Variants in PHACTR1 observed in about 807,000 individuals in gnomAD.
The protein encoded by PHACTR1 is phosphatase and actin regulator 1.
In PHACTR1, 16 loss-of-function variants were observed where a neutral mutation model predicts 69.2. The ratio of observed to expected loss-of-function variants is 0.23; its 90% CI spans 0.16 to 0.35. The LOEUF (loss-of-function observed/expected upper bound fraction) is 0.35, where lower values mean the gene tolerates loss of function less well. PHACTR1 is among the 10% of genes least tolerant of loss of function. PHACTR1 has a pLI of 1.00. For synonymous variants in PHACTR1, 312 were observed against 284.5 expected, an observed-to-expected ratio of 1.10 and a Z score of -0.97; for missense variants, 510 against 734.7, an observed-to-expected ratio of 0.69 and a Z score of 3.54.
chr6:13,256,619 T>C (rs1439468887), intron 10 of PHACTR1, among the ~76,000 whole-genome samples: 1 of 152,246 alleles, frequency 6.6e-6, no homozygotes, highest in Non-Finnish European at 1.5e-5. Context: ...AAATTTCTTC[T>C]GCCAGATACT....
intron 4 of PHACTR1, among the ~76,000 whole-genome samples, chr6:12,962,543 G>A (rs1792887100): frequency 6.6e-6 from 1 of 152,186 alleles, no homozygotes; most frequent in Non-Finnish European, 1.5e-5. Flanking sequence ...CTCCAGGAAA[G>A]GCAGCCTGGT....
At chr6:13,063,243 G>C (rs1177374078) in intron 5 of PHACTR1, among the ~76,000 whole-genome samples, 6 of 152,168 alleles carry the variant, frequency 3.9e-5, no homozygotes, top group Admixed American at 1.3e-4. Context: ...AGGGAAAACA[G>C]ACAATAAAGC....
chr6:12,921,373 C>A (rs989010410), intron 4 of PHACTR1, among the ~76,000 whole-genome samples: 1 of 151,878 alleles, frequency 6.6e-6, no homozygotes, highest in Non-Finnish European at 1.5e-5. Flanking sequence ...GCAGGACACA[C>A]AGAAATGAAA....
At chr6:12,884,116 C>T (rs2127459323) in intron 4 of PHACTR1, among the ~76,000 whole-genome samples, 1 of 151,942 alleles carries the variant, frequency 6.6e-6, no homozygotes, top group South Asian at 2.1e-4. Context: ...ACACATGTAC[C>T]CACATACACA....
intron 4 of PHACTR1, among the ~76,000 whole-genome samples, chr6:13,030,660 C>G (rs113165382): frequency 0.014 from 2,177 of 152,300 alleles, 38 homozygotes; most frequent in Non-Finnish European, 0.022. Context: ...TGTATTATAG[C>G]TGAAACAAGA....
chr6:12,805,706 T>C (rs1774241913), intron 4 of PHACTR1, among the ~76,000 whole-genome samples: 1 of 151,946 alleles, frequency 6.6e-6, no homozygotes, highest in African/African-American at 2.4e-5. Context: ...GCTCAAGCAA[T>C]TCTCCTGCCT....
chr6:12,930,670 G>C (rs1051281937), intron 4 of PHACTR1, among the ~76,000 whole-genome samples: 2 of 152,142 alleles, frequency 1.3e-5, no homozygotes, highest in Non-Finnish European at 2.9e-5. Flanking sequence ...TAATTCAGTA[G>C]GAGAAAGGGT....
chr6:12,798,966 A>T (rs1561893169), intron 4 of PHACTR1, among the ~76,000 whole-genome samples: 2 of 152,176 alleles, frequency 1.3e-5, no homozygotes. Context: ...GTATATTAAG[A>T]TTCTTTCTTC....
intron 5 of PHACTR1, among the ~76,000 whole-genome samples, chr6:13,110,557 T>C (rs1397186509): frequency 2.0e-5 from 3 of 152,172 alleles, no homozygotes; most frequent in African/African-American, 7.2e-5. Context: ...CGCTTTCTCC[T>C]CTCTAGTACT....
chr6:13,006,355 C>A (rs1169652790), intron 4 of PHACTR1, among the ~76,000 whole-genome samples: 1 of 152,100 alleles, frequency 6.6e-6, no homozygotes, highest in Non-Finnish European at 1.5e-5. Flanking sequence ...AACTACCTAG[C>A]CGCTTTCTGA....
At chr6:13,049,496 C>T (rs1184598311) in intron 4 of PHACTR1, among the ~76,000 whole-genome samples, 1 of 152,146 alleles carries the variant, frequency 6.6e-6, no homozygotes, top group Non-Finnish European at 1.5e-5. Context: ...AATTCTCAAA[C>T]TGAATATTTT....
At chr6:12,755,042 T>C (rs973435682) in intron 4 of PHACTR1, among the ~76,000 whole-genome samples, 1 of 152,182 alleles carries the variant, frequency 6.6e-6, no homozygotes, top group African/African-American at 2.4e-5. Flanking sequence ...CACTTTCCCA[T>C]AAATATTTGT....
chr6:12,850,151 C>A (rs1271024120), intron 4 of PHACTR1, among the ~76,000 whole-genome samples: 1 of 152,194 alleles, frequency 6.6e-6, no homozygotes, highest in Non-Finnish European at 1.5e-5. Context: ...GCAAATTTTA[C>A]CTCTTTATCT....
chr6:13,251,538 T>C (rs909596765), intron 10 of PHACTR1, among the ~76,000 whole-genome samples: 10 of 152,146 alleles, frequency 6.6e-5, no homozygotes, highest in Non-Finnish European at 1.2e-4. Flanking sequence ...GATGTATTCA[T>C]GGTGCATGTG....
At chr6:12,794,790 G>A (rs573219316) in intron 4 of PHACTR1, among the ~76,000 whole-genome samples, 37 of 152,264 alleles carry the variant, frequency 2.4e-4, no homozygotes, top group African/African-American at 8.7e-4. Context: ...ATATTGCTCA[G>A]CACAGGTAGA....
At chr6:13,051,170 A>AT (rs1399170720) in intron 4 of PHACTR1, among the ~76,000 whole-genome samples, 1 of 151,510 alleles carries the variant, frequency 6.6e-6, no homozygotes, top group African/African-American at 2.4e-5. Flanking sequence ...TCCACTCATT[A>AT]TTTTTTTCCC....
chr6:13,278,406 C>T, intron 12 of PHACTR1, 77 bp downstream of exon 12: 1 of 1,377,736 alleles, frequency 7.3e-7, no homozygotes, highest in Non-Finnish European at 1.0e-6. Flanking sequence ...CTGCTGGCCT[C>T]AGTGGCCTCA....
intron 8 of PHACTR1, 124 bp downstream of exon 8, chr6:13,206,260 G>A (rs1223666548): frequency 3.7e-6 from 4 of 1,081,078 alleles, no homozygotes; most frequent in African/African-American, 3.2e-5. Flanking sequence ...GAAAATGTTT[G>A]AAAGTAAAAT....
chr6:12,778,119 T>A (rs1478914755), intron 4 of PHACTR1, among the ~76,000 whole-genome samples: 1 of 152,232 alleles, frequency 6.6e-6, no homozygotes, highest in Admixed American at 6.5e-5. Flanking sequence ...AATGAATTAT[T>A]GTGTCTCTGG....
Sources: gnomAD v4.1 joint callset for allele counts (sites outside exome capture counted in the v4.1 genomes callset) on GRCh38, gnomAD v4.1.1 for gene constraint, MANE v1.5 for transcripts, NCBI Gene and HGNC (gene_info 2026-07-23, HGNC 2026-07-21) for gene names.